The following EPS15L1 variants were observed in gnomAD, a reference collection of about 807,000 sequenced individuals.
EPS15L1 encodes epidermal growth factor receptor substrate 15-like 1.
In EPS15L1, 43 loss-of-function variants were observed where a neutral mutation model predicts 117.1. That is an observed-to-expected ratio of 0.37 (90% CI 0.29 to 0.47). The LOEUF (loss-of-function observed/expected upper bound fraction) is 0.47, where lower values mean the gene tolerates loss of function less well. Ranked by LOEUF, EPS15L1 falls within the 20% of genes least tolerant of loss-of-function variation. EPS15L1 has a pLI of 0.99. For missense variants in EPS15L1, 981 were observed against 1,164.0 expected, an observed-to-expected ratio of 0.84 and a Z score of 2.29; for synonymous variants, 459 against 470.5, an observed-to-expected ratio of 0.98 and a Z score of 0.32.
intron 1 of EPS15L1, among the ~76,000 whole-genome samples, chr19:16,451,834 T>A (rs2145131528): frequency 7.1e-6 from 1 of 141,372 alleles, no homozygotes; most frequent in East Asian, 2.6e-4. Flanking sequence ...TGGCCTACAA[T>A]TTCTAAGATT....
chr19:16,361,860 A>G lies in EPS15L1; in HGVS notation c.2505T>C (p.Phe835=). 1.2e-6 allele frequency: 2 copies of G among 1,614,128 alleles called. No homozygotes were observed. The highest frequency in any genetic ancestry group is 1.7e-6 in the Non-Finnish European group (2 of 1,180,024). Residue 835 remains phenylalanine (F), a synonymous_variant, in exon 23 of 24, where the codon TTT becomes TTC. Coordinates refer to ENST00000455140, the MANE Select transcript of EPS15L1 (RefSeq NM_001258374.3). ...FQSKKGFGDP[F]SGKDPFVPSS... is the part of the protein sequence containing the mutation. ...AGGGGACAAATGGGTCTTTTCCACT[A>G]AACGGGTCCCCAAACCCCTTTTTAC...
chr19:16,397,906 T>TA (rs1404483929), intron 16 of EPS15L1, among the ~76,000 whole-genome samples: 3 of 152,026 alleles, frequency 2.0e-5, no homozygotes, highest in Admixed American at 1.3e-4. Flanking sequence ...ACTGTGATAT[T>TA]AAAAAAACAG....
At chr19:16,384,661 T>C (rs2092400205) in intron 21 of EPS15L1, among the ~76,000 whole-genome samples, 1 of 152,172 alleles carries the variant, frequency 6.6e-6, no homozygotes, top group African/African-American at 2.4e-5. Flanking sequence ...TCCTCACCTG[T>C]GGATCTGTCT....
chr19:16,463,725 C>T (rs570370341), intron 1 of EPS15L1, among the ~76,000 whole-genome samples: 13 of 152,228 alleles, frequency 8.5e-5, no homozygotes, highest in African/African-American at 1.7e-4. Flanking sequence ...CAATCAACCC[C>T]GCAAAGAGAA....
At chr19:16,422,518 G>C (rs1024743014) in intron 9 of EPS15L1, among the ~76,000 whole-genome samples, 17 of 152,038 alleles carry the variant, frequency 1.1e-4, no homozygotes, top group African/African-American at 4.1e-4. Flanking sequence ...GGAGTGGAGA[G>C]AAAAAGGACA....
At chr19:16,467,290 A>T (rs1201007356) in intron 1 of EPS15L1, among the ~76,000 whole-genome samples, 2 of 151,726 alleles carry the variant, frequency 1.3e-5, no homozygotes, top group African/African-American at 4.8e-5. Context: ...CCGGGATTAC[A>T]GGCGTCCGCC....
intron 7 of EPS15L1, 120 bp downstream of exon 7, chr19:16,434,243 CCT>C (rs1491145066): frequency 1.5e-6 from 2 of 1,346,832 alleles, no homozygotes; most frequent in Non-Finnish European, 2.0e-6. Flanking sequence ...GATGAAAGCC[CCT>C]GATGGCACAG....
At chr19:16,464,538 AAAGG>A (rs1347097119) in intron 1 of EPS15L1, among the ~76,000 whole-genome samples, 1 of 152,162 alleles carries the variant, frequency 6.6e-6, no homozygotes, top group Non-Finnish European at 1.5e-5. Flanking sequence ...TGCCTAAATT[AAAGG>A]AAGGACATGA....
rs1402615394 is a variant in EPS15L1, at chr19:16,425,335, A to G, written c.559-19T>C. On this transcript the variant is annotated intron_variant, in intron 8 of 23. Coordinates refer to ENST00000455140, the MANE Select transcript of EPS15L1 (RefSeq NM_001258374.3). ...GCATGGCCTGCAGGTGCAAACAACA[A>G]TGGCACTGAAGGGGCAAGGCTGGGG... 2 of 1,530,502 alleles carry G rather than the reference A, an allele frequency of 1.3e-6. No homozygotes were observed. Among genetic ancestry groups the G allele is most frequent in the East Asian group, 4.7e-5 (2 of 42,740 alleles). 94.8% of individuals were successfully genotyped at this position (1,530,502 alleles called of 1,614,324 possible).
At chr19:16,401,966 G>A in intron 16 of EPS15L1, 1 of 1,047,082 alleles carries the variant, frequency 9.6e-7, no homozygotes, top group Non-Finnish European at 1.2e-6. Flanking sequence ...AGAATGTGGG[G>A]TTTCCACAAT....
chr19:16,414,929 C>T (rs776694279), intron 12 of EPS15L1, among the ~76,000 whole-genome samples: 4 of 151,990 alleles, frequency 2.6e-5, no homozygotes, highest in Non-Finnish European at 5.9e-5. Flanking sequence ...CTGGTCTGGA[C>T]CTCCTGGGCT....
At chr19:16,368,550 C>T (rs979552892) in intron 22 of EPS15L1, among the ~76,000 whole-genome samples, 1 of 151,818 alleles carries the variant, frequency 6.6e-6, no homozygotes, top group African/African-American at 2.4e-5. Context: ...GTTCATCCTG[C>T]ACAACATGCA....
At chr19:16,458,206 C>T (rs1199515763) in intron 1 of EPS15L1, among the ~76,000 whole-genome samples, 4 of 152,130 alleles carry the variant, frequency 2.6e-5, no homozygotes, top group African/African-American at 7.2e-5. Flanking sequence ...TCCTCCTCAT[C>T]GCTGTGGGTG....
chr19:16,408,374 A>G (rs1460005804), intron 13 of EPS15L1, among the ~76,000 whole-genome samples: 1 of 152,226 alleles, frequency 6.6e-6, no homozygotes, highest in Non-Finnish European at 1.5e-5. Flanking sequence ...CTGTAATGCC[A>G]GCACTTTTGG....
chr19:16,440,306 G>A (rs1401443269), intron 4 of EPS15L1, among the ~76,000 whole-genome samples: 2 of 151,770 alleles, frequency 1.3e-5, no homozygotes, highest in Admixed American at 1.3e-4. Context: ...GATGGTTCTC[G>A]CCTGTAATCC....
At chr19:16,396,553 C>G (rs1173436806) in intron 16 of EPS15L1, among the ~76,000 whole-genome samples, 1 of 152,120 alleles carries the variant, frequency 6.6e-6, no homozygotes, top group Non-Finnish European at 1.5e-5. Context: ...CATGAGCTAC[C>G]GCACCTGGCC....
At position 16,383,187 on chromosome 19, in the gene EPS15L1, A is replaced by G. The variant is rs987283959; in HGVS notation, c.2247+1942T>C. Reference sequence around the variant, plus strand: ...GACCCATTTTCCACAGCTCTGTCCAACTCTGTCCTGGCCCGGCACCGCCAA... The same window carrying G: ...GACCCATTTTCCACAGCTCTGTCCAGCTCTGTCCTGGCCCGGCACCGCCAA... On this transcript the variant is annotated intron_variant, in intron 21 of 23. Coordinates refer to ENST00000455140, the MANE Select transcript of EPS15L1 (RefSeq NM_001258374.3). The surrounding 1 kb of genome is among the most constrained non-coding windows in gnomAD (Gnocchi z 5.2). The G allele has an allele frequency of 6.6e-6, 1 of 152,028 alleles. No homozygotes were observed. The highest frequency in any genetic ancestry group is 2.4e-5 in the African/African-American group (1 of 41,354). The allele number at this position is 152,028 out of a possible 1,614,324, so 9.4% of individuals were successfully genotyped here.
At chr19:16,358,946 TG>T (rs1264650846) in intron 23 of EPS15L1, among the ~76,000 whole-genome samples, 1 of 152,218 alleles carries the variant, frequency 6.6e-6, no homozygotes, top group East Asian at 1.9e-4. Flanking sequence ...CAGAAAGGCC[TG>T]CTTTTAAAGA....
intron 16 of EPS15L1, among the ~76,000 whole-genome samples, chr19:16,398,495 C>T (rs957479474): frequency 6.6e-6 from 1 of 152,150 alleles, no homozygotes; most frequent in African/African-American, 2.4e-5. Context: ...AGAAGTCCTA[C>T]TCTAAAGAAG....
Sources: allele counts gnomAD v4.1 joint callset (sites outside exome capture counted in the v4.1 genomes callset), GRCh38; gene constraint gnomAD v4.1.1; non-coding constraint Gnocchi (gnomAD v3.1); transcripts MANE v1.5; gene names NCBI Gene and HGNC (gene_info 2026-07-23, HGNC 2026-07-21).